ATP9B: variants seen among roughly 807,000 people sequenced by gnomAD.
ATP9B encodes ATPase phospholipid transporting 9B.
A neutral mutation model predicts 146.1 loss-of-function variants in ATP9B; 110 were observed. The observed-to-expected ratio is 0.75, with a 90% CI of 0.65 to 0.88. The LOEUF (loss-of-function observed/expected upper bound fraction) is 0.88, where lower values mean the gene tolerates loss of function less well. ATP9B is among the 40% of genes least tolerant of loss of function. ATP9B has a pLI of 0.00. For missense variants in ATP9B, 1,499 were observed against 1,496.4 expected, an observed-to-expected ratio of 1.00 and a Z score of -0.03; for synonymous variants, 604 against 569.7, an observed-to-expected ratio of 1.06 and a Z score of -0.86.
intron 12 of ATP9B, among the ~76,000 whole-genome samples, chr18:79,259,789 T>C (rs995481703): frequency 2.6e-5 from 4 of 152,240 alleles, no homozygotes; most frequent in Admixed American, 1.3e-4. Flanking sequence ...AGGAAAACTT[T>C]TAAGAGCTTT....
At chr18:79,161,733 G>C (rs1028560870) in intron 7 of ATP9B, among the ~76,000 whole-genome samples, 2 of 152,074 alleles carry the variant, frequency 1.3e-5, no homozygotes, top group Non-Finnish European at 2.9e-5. Flanking sequence ...ATAGTCCCAG[G>C]TACTTGGGAG....
Position 79,286,745 on chromosome 18 carries a change from G to T in ATP9B, c.1411+9549G>T, listed in dbSNP as rs531369311. Among the ~76,000 whole-genome samples, 12 of 152,250 alleles carry T rather than the reference G, an allele frequency of 7.9e-5. No homozygotes were observed. In the South Asian group the frequency reaches 2.1e-3, roughly 26 times the overall value. ...GTTTTGGCCCATTCAGTATGATATT[G>T]GCTGTGGGTTTGTCATAGATAGCTC... On this transcript the variant is annotated intron_variant, in intron 13 of 29. Coordinates refer to ENST00000426216, the MANE Select transcript of ATP9B (RefSeq NM_198531.5).
chr18:79,228,176 TATC>T (rs1355319186), intron 11 of ATP9B, among the ~76,000 whole-genome samples: 2 of 152,228 alleles, frequency 1.3e-5, no homozygotes, highest in Non-Finnish European at 2.9e-5. Flanking sequence ...TAAGAGAAAT[TATC>T]ATCAGAATAT....
intron 11 of ATP9B, among the ~76,000 whole-genome samples, chr18:79,241,008 C>T (rs1270593118): frequency 6.6e-6 from 1 of 152,130 alleles, no homozygotes; most frequent in Admixed American, 6.5e-5. Context: ...GGCTGAATAA[C>T]AGACATTACA....
intron 13 of ATP9B, among the ~76,000 whole-genome samples, chr18:79,300,433 G>T (rs1472623816): frequency 6.6e-6 from 1 of 152,188 alleles, no homozygotes; most frequent in Non-Finnish European, 1.5e-5. Context: ...ATAGGGAGAG[G>T]CCAGCGGGGC....
Position 79,359,360 on chromosome 18 carries a change from C to A in ATP9B, c.2910C>A (p.Ala970=). ...LYQGFLMVGY[A]TIYTMFPVFS... is the part of the protein sequence containing the mutation. ...TCCGCTCTTGGTCTTGCAGGTATGC[C>A]ACCATATACACCATGTTCCCAGTGT... Residue 970 remains alanine (A), a synonymous_variant, in exon 26 of 30, where the codon GCC becomes GCA. Coordinates refer to ENST00000426216, the MANE Select transcript of ATP9B (RefSeq NM_198531.5). 6.2e-7 allele frequency: 1 copy of A among 1,612,650 alleles called. No homozygotes were observed. Among genetic ancestry groups the A allele is most frequent in the Non-Finnish European group, 8.5e-7 (1 of 1,178,828 alleles).
chr18:79,328,017 C>T (rs1041722656), intron 15 of ATP9B, among the ~76,000 whole-genome samples: 9 of 131,718 alleles, frequency 6.8e-5, no homozygotes, highest in East Asian at 2.3e-4. Context: ...GCGTGCTCTC[C>T]GTGGTTAGCG....
chr18:79,163,663 C>T (rs1328743000), intron 7 of ATP9B, among the ~76,000 whole-genome samples: 1 of 151,892 alleles, frequency 6.6e-6, no homozygotes, highest in Non-Finnish European at 1.5e-5. Flanking sequence ...CCAGTGAGCT[C>T]GTGCAATATA....
chr18:79,312,193 C>T (rs529180984), intron 15 of ATP9B, among the ~76,000 whole-genome samples: 1 of 152,200 alleles, frequency 6.6e-6, no homozygotes, highest in African/African-American at 2.4e-5. Flanking sequence ...TCCAAATGCT[C>T]TTCCGGCCAC....
rs745589669 is a variant in ATP9B, at chr18:79,269,578, G to A, written c.1269-7476G>A. ...GTCAATCTTTTTATGTTGTATTTTGGTCTTCTGGCTCTTGCTTCTGGTGTC... is the reference window on the plus strand; with the variant it reads ...GTCAATCTTTTTATGTTGTATTTTGATCTTCTGGCTCTTGCTTCTGGTGTC... On this transcript the variant is annotated intron_variant, in intron 12 of 29. Coordinates refer to ENST00000426216, the MANE Select transcript of ATP9B (RefSeq NM_198531.5). Among the ~76,000 whole-genome samples the A allele has an allele frequency of 2.6e-5, 4 of 151,958 alleles. No homozygotes were observed. In the East Asian group the frequency reaches 7.7e-4, roughly 29 times the overall value.
chr18:79,332,052 A>G (rs115071701), intron 17 of ATP9B, among the ~76,000 whole-genome samples: 3,710 of 152,382 alleles, frequency 0.024, 122 homozygotes, highest in African/African-American at 0.077. Flanking sequence ...AACATGGATA[A>G]ATCGATTAAC....
At chr18:79,149,345 C>T (rs1329878302) in intron 6 of ATP9B, among the ~76,000 whole-genome samples, 1 of 151,784 alleles carries the variant, frequency 6.6e-6, no homozygotes, top group Admixed American at 6.6e-5. Context: ...TATAGAGAAA[C>T]CAGAATTAGA....
At chr18:79,188,893 T>C (rs1488127078) in intron 8 of ATP9B, among the ~76,000 whole-genome samples, 1 of 151,918 alleles carries the variant, frequency 6.6e-6, no homozygotes, top group Non-Finnish European at 1.5e-5. Flanking sequence ...TTTAGCATTT[T>C]TTTTTTTTTT....
intron 29 of ATP9B, chr18:79,375,644 G>A (rs2097098328): frequency 1.0e-6 from 1 of 985,448 alleles, no homozygotes; most frequent in South Asian, 4.7e-5. Flanking sequence ...CCTGAGTGAG[G>A]GGAAGGGGCC....
At chr18:79,287,397 T>C (rs191911493) in intron 13 of ATP9B, among the ~76,000 whole-genome samples, 2,330 of 152,362 alleles carry the variant, frequency 0.015, 65 homozygotes, top group African/African-American at 0.054. Context: ...TTTTCTAGTT[T>C]ATTTGCGTAG....
In ATP9B at chr18:79,239,568, G is replaced by A. The variant is rs1021509616; in HGVS notation, c.1108-13813G>A. On this transcript the variant is annotated intron_variant, in intron 11 of 29. Transcript: ENST00000426216. The surrounding 1 kb of genome is among the most constrained non-coding windows in gnomAD (Gnocchi z 5.1). ...TCCTTCAACCTGGAGTCATTGTGCC[G>A]CCATTGTCTAGCATTGTGCCATGCT... Among the ~76,000 whole-genome samples, 2 of 152,050 alleles carry A rather than the reference G, an allele frequency of 1.3e-5. No individual in the cohort carries two copies. Among genetic ancestry groups the A allele is most frequent in the Non-Finnish European group, 2.9e-5 (2 of 67,998 alleles).
chr18:79,128,225 A>AT (rs1211749738), intron 5 of ATP9B, among the ~76,000 whole-genome samples: 2 of 150,336 alleles, frequency 1.3e-5, no homozygotes, highest in African/African-American at 2.5e-5. Context: ...CGCCCGGGTG[A>AT]TTTTTTGTAT....
intron 16 of ATP9B, among the ~76,000 whole-genome samples, chr18:79,329,758 C>G (rs1402519749): frequency 6.6e-6 from 1 of 152,150 alleles, no homozygotes; most frequent in Non-Finnish European, 1.5e-5. Flanking sequence ...GAATGCAACT[C>G]AAATCATATT....
chr18:79,126,200 G>A, intron 4 of ATP9B, 67 bp from the exon 5 acceptor site: 1 of 1,338,710 alleles, frequency 7.5e-7, no homozygotes, highest in Non-Finnish European at 1.0e-6. Context: ...GTTAAACCAA[G>A]TAACAAATAA....
Sources: allele counts gnomAD v4.1 joint callset (sites outside exome capture counted in the v4.1 genomes callset), GRCh38; gene constraint gnomAD v4.1.1; non-coding constraint Gnocchi (gnomAD v3.1); transcripts MANE v1.5; gene names NCBI Gene and HGNC (gene_info 2026-07-23, HGNC 2026-07-21).